The following CAMTA1 variants were observed in gnomAD, a reference collection of about 807,000 sequenced individuals.
CAMTA1 encodes the protein calmodulin-binding transcription activator 1.
A neutral mutation model predicts 170.9 loss-of-function variants in CAMTA1; 27 were observed. That is an observed-to-expected ratio of 0.16 (90% CI 0.12 to 0.22). The LOEUF (loss-of-function observed/expected upper bound fraction) is 0.22. Among genes scored for constraint, CAMTA1 ranks in the 10% least tolerant of loss-of-function variants. The pLI, the probability that CAMTA1 is intolerant of heterozygous loss-of-function variation, is 1.00. For synonymous variants in CAMTA1, 833 were observed against 891.5 expected, an observed-to-expected ratio of 0.93 and a Z score of 1.17; for missense variants, 1,619 against 2,217.2, an observed-to-expected ratio of 0.73 and a Z score of 5.42.
intron 3 of CAMTA1, 119 bp from the exon 4 acceptor site, chr1:7,091,185 G>A: frequency 1.4e-6 from 1 of 724,076 alleles, no homozygotes; most frequent in South Asian, 1.5e-5. Context: ...TCTCTAGCAG[G>A]GATGGAGTTC....
chr1:7,326,434 T>C (rs141834943), intron 5 of CAMTA1, among the ~76,000 whole-genome samples: 1 of 152,290 alleles, frequency 6.6e-6, no homozygotes, highest in Non-Finnish European at 1.5e-5. Context: ...CCAGCACCTG[T>C]GAATGTGACC....
intron 11 of CAMTA1, among the ~76,000 whole-genome samples, chr1:7,704,488 G>C (rs2096483182): frequency 1.4e-5 from 2 of 146,322 alleles, no homozygotes; most frequent in African/African-American, 4.9e-5. Flanking sequence ...GGGGACGCCC[G>C]GGCCGCGCTC....
In CAMTA1 at chr1:7,680,813, G is replaced by GT. The variant is rs148503236; in HGVS notation, c.2914+3080_2914+3081insT. On this transcript the variant is annotated intron_variant, in intron 11 of 22. Transcript: ENST00000303635. The surrounding 1 kb of genome is among the most constrained non-coding windows in gnomAD (Gnocchi z 4.4). ...TTTGTTTGCTTGGCTAAAGGCCGGG[G>GT]GGGGGCGTGGGTCCGGGGCGCAGAG... Among the ~76,000 whole-genome samples, 68,974 of 147,432 alleles carry GT rather than the reference G, an allele frequency of 0.47. 16,356 individuals are homozygous for GT. The highest frequency in any genetic ancestry group is 0.65 in the East Asian group (3,176 of 4,864).
chr1:6,875,824 G>C (rs1363407415), intron 3 of CAMTA1, among the ~76,000 whole-genome samples: 1 of 152,192 alleles, frequency 6.6e-6, no homozygotes. Flanking sequence ...CTAGAGAGAT[G>C]GATAGGTTCA....
At chr1:7,450,758 A>G (rs956345458) in intron 5 of CAMTA1, among the ~76,000 whole-genome samples, 31 of 152,194 alleles carry the variant, frequency 2.0e-4, no homozygotes, top group African/African-American at 7.5e-4. Flanking sequence ...GTCATTACAC[A>G]CTTTAAAATA....
chr1:7,481,693 A>G (rs2093537512), intron 6 of CAMTA1, among the ~76,000 whole-genome samples: 1 of 152,114 alleles, frequency 6.6e-6, no homozygotes, highest in East Asian at 1.9e-4. Flanking sequence ...TGTTCCACCT[A>G]TCCAGCAATT....
intron 5 of CAMTA1, among the ~76,000 whole-genome samples, chr1:7,256,492 G>C (rs909344819): frequency 6.6e-6 from 1 of 152,160 alleles, no homozygotes; most frequent in Non-Finnish European, 1.5e-5. Context: ...CCCGGGAGGC[G>C]CAGCTTGCAG....
chr1:7,565,014 T>G lies in CAMTA1; in HGVS notation c.511-75386T>G, dbSNP rs2095021219. ...GGAAGACAGGGTGACAACCACGAGA[T>G]CAAGGTGGATGGGGGGTGGGAGCAG... is the stretch of plus-strand genomic sequence containing the variant. On this transcript the variant is annotated intron_variant, in intron 6 of 22. Transcript: ENST00000303635. The surrounding 1 kb of genome is among the most constrained non-coding windows in gnomAD (Gnocchi z 4.5). 1.4e-5 allele frequency among the ~76,000 whole-genome samples: 2 copies of G among 147,810 alleles called. No homozygotes were observed. Among genetic ancestry groups the G allele is most frequent in the African/African-American group, 2.5e-5 (1 of 39,880 alleles).
chr1:6,822,704 C>G (rs896505334), intron 2 of CAMTA1, among the ~76,000 whole-genome samples: 1 of 152,026 alleles, frequency 6.6e-6, no homozygotes, highest in Admixed American at 6.6e-5. Flanking sequence ...ACATTTACCA[C>G]TGCCTGATTT....
At chr1:7,686,200 C>T (rs535496936) in intron 11 of CAMTA1, among the ~76,000 whole-genome samples, 24 of 152,134 alleles carry the variant, frequency 1.6e-4, no homozygotes, top group Admixed American at 2.6e-4. Flanking sequence ...TCTATTCTAG[C>T]GGGGGAGAAA....
intron 6 of CAMTA1, among the ~76,000 whole-genome samples, chr1:7,629,256 T>C (rs937780811): frequency 9.9e-5 from 15 of 152,150 alleles, no homozygotes; most frequent in Non-Finnish European, 4.4e-5. Flanking sequence ...CGCTGAACAG[T>C]CCAGCTGACA....
At chr1:6,956,375 C>T (rs780043858) in intron 3 of CAMTA1, among the ~76,000 whole-genome samples, 1 of 152,140 alleles carries the variant, frequency 6.6e-6, no homozygotes, top group Non-Finnish European at 1.5e-5. Flanking sequence ...TGCAGGGTCC[C>T]AAGTGTCATT....
intron 6 of CAMTA1, among the ~76,000 whole-genome samples, chr1:7,557,189 T>C (rs2094890862): frequency 1.3e-5 from 2 of 151,668 alleles, no homozygotes; most frequent in Non-Finnish European, 1.5e-5. Context: ...GTGCCTGTAA[T>C]CCCAGCTACT....
intron 5 of CAMTA1, among the ~76,000 whole-genome samples, chr1:7,277,679 C>G (rs187448844): frequency 7.1e-4 from 108 of 152,072 alleles, no homozygotes; most frequent in Non-Finnish European, 1.1e-3. Context: ...TTGTAGAAGA[C>G]TTCAGATAGT....
Position 7,010,291 on chromosome 1 carries a change from C to A in CAMTA1, c.235-81013C>A, listed in dbSNP as rs1362914590. ...GACCCCAGGGCCGGCTCCTGGGCCG[C>A]CCCCTCACTCGGCGTCCAGTGCTCA... On this transcript the variant is annotated intron_variant, in intron 3 of 22. Coordinates refer to ENST00000303635, the MANE Select transcript of CAMTA1 (RefSeq NM_015215.4). This position sits in a 1 kb window ranked among gnomAD's most constrained non-coding sequence, Gnocchi z 4.4. Among the ~76,000 whole-genome samples, 1 of 152,128 alleles carries A rather than the reference C, an allele frequency of 6.6e-6. No individual in the cohort carries two copies. Among genetic ancestry groups the A allele is most frequent in the East Asian group, 1.9e-4 (1 of 5,176 alleles).
rs1256127498 is a variant in CAMTA1, at chr1:7,663,516, T to A, written c.969T>A (p.Arg323=). The A allele has an allele frequency of 6.9e-6, 11 of 1,602,440 alleles. No individual in the cohort carries two copies. The highest frequency in any genetic ancestry group is 1.1e-5 in the South Asian group (1 of 90,528). Residue 323 remains arginine, a synonymous_variant, in exon 9 of 23, where the codon CGT becomes CGA. Coordinates refer to ENST00000303635, the MANE Select transcript of CAMTA1 (RefSeq NM_015215.4). ...ACAGCCACAGCAAGGGCTCCAGCCG[T>A]GAGAAGAGGAACGGCAAGGTGGCCA... ...HEHSHSKGSS[R]EKRNGKVAKP...
chr1:7,308,898 TGA>T (rs1389491777), intron 5 of CAMTA1, among the ~76,000 whole-genome samples: 1 of 152,250 alleles, frequency 6.6e-6, no homozygotes, highest in African/African-American at 2.4e-5. Flanking sequence ...TATTACTGAC[TGA>T]GAGAGAAGTA....
chr1:6,983,558 G>A (rs1490255059), intron 3 of CAMTA1, among the ~76,000 whole-genome samples: 2 of 152,078 alleles, frequency 1.3e-5, no homozygotes, highest in Admixed American at 6.6e-5. Context: ...AATTTCTTTT[G>A]TATTATTTCA....
At position 7,555,737 on chromosome 1, in the gene CAMTA1, C is replaced by G. The variant is rs2094867350; in HGVS notation, c.511-84663C>G. Among the ~76,000 whole-genome samples the G allele has an allele frequency of 2.0e-5, 3 of 148,112 alleles. No individual in the cohort carries two copies. The South Asian group carries it at 6.8e-4, about 34-fold the overall frequency. ...GGCAAGCACCTAGCACGTGGTCCCC[C>G]AAACCAAGCTCAAGCCCAGGAGTCA... On this transcript the variant is annotated intron_variant, in intron 6 of 22. Coordinates refer to ENST00000303635, the MANE Select transcript of CAMTA1 (RefSeq NM_015215.4).
Sources: gnomAD v4.1 joint callset for allele counts (sites outside exome capture counted in the v4.1 genomes callset) on GRCh38, gnomAD v4.1.1 for gene constraint, Gnocchi (gnomAD v3.1) non-coding constraint, MANE v1.5 for transcripts, NCBI Gene and HGNC (gene_info 2026-07-23, HGNC 2026-07-21) for gene names.